PTPRT: variants seen among roughly 807,000 people sequenced by gnomAD.
PTPRT encodes the protein protein tyrosine phosphatase receptor type T, also known as receptor-type tyrosine-protein phosphatase T.
A neutral mutation model predicts 176.8 loss-of-function variants in PTPRT; 56 were observed. That is an observed-to-expected ratio of 0.32 (90% CI 0.26 to 0.40). PTPRT has a LOEUF of 0.40. PTPRT is among the 10% of genes least tolerant of loss of function. The pLI, the probability that PTPRT is intolerant of heterozygous loss-of-function variation, is 1.00. For synonymous variants in PTPRT, 783 were observed against 739.0 expected, an observed-to-expected ratio of 1.06 and a Z score of -0.96; for missense variants, 1,540 against 1,908.2, an observed-to-expected ratio of 0.81 and a Z score of 3.60.
At chr20:43,127,800 A>C (rs2013502352) in intron 1 of PTPRT, among the ~76,000 whole-genome samples, 1 of 152,214 alleles carries the variant, frequency 6.6e-6, no homozygotes, top group Non-Finnish European at 1.5e-5. Context: ...TATAGTTTCT[A>C]CAATAAGAGA....
At chr20:42,169,117 C>G (rs1989962875) in intron 16 of PTPRT, among the ~76,000 whole-genome samples, 1 of 152,128 alleles carries the variant, frequency 6.6e-6, no homozygotes. Context: ...TTCCTGAGCT[C>G]AGAGAATCAA....
chr20:43,106,713 A>AAGGG (rs1370659420), intron 1 of PTPRT, among the ~76,000 whole-genome samples: 13 of 137,190 alleles, frequency 9.5e-5, no homozygotes, highest in Middle Eastern at 7.4e-3. Context: ...GGAAAGAAGG[A>AAGGG]AGGGAGGGAG....
chr20:42,935,753 T>G (rs2145981749), intron 1 of PTPRT, among the ~76,000 whole-genome samples: 1 of 152,260 alleles, frequency 6.6e-6, no homozygotes, highest in East Asian at 1.9e-4. Flanking sequence ...ATTCTTCTAT[T>G]CTATTCTATT....
chr20:42,416,693 A>G (rs1417803046), intron 9 of PTPRT, among the ~76,000 whole-genome samples: 1 of 152,214 alleles, frequency 6.6e-6, no homozygotes, highest in Non-Finnish European at 1.5e-5. Context: ...TATTAGAGTA[A>G]CAGTGTCCAA....
intron 3 of PTPRT, among the ~76,000 whole-genome samples, chr20:42,788,231 A>T (rs1309276021): frequency 1.9e-5 from 2 of 105,672 alleles, no homozygotes; most frequent in African/African-American, 7.3e-5. Context: ...GTCCACCCTG[A>T]CCACCCCAAG....
At chr20:42,202,945 A>G (rs924632771) in intron 15 of PTPRT, among the ~76,000 whole-genome samples, 5 of 152,208 alleles carry the variant, frequency 3.3e-5, no homozygotes, top group Admixed American at 1.3e-4. Flanking sequence ...AGCTCTGAAC[A>G]CCTGTATTAA....
chr20:42,116,121 C>T (rs1363382544), intron 21 of PTPRT: 2 of 716,014 alleles, frequency 2.8e-6, no homozygotes, highest in East Asian at 2.7e-5. Flanking sequence ...AGGTAAAAAA[C>T]AAGAAACAAA....
At chr20:42,398,037 G>A (rs894873920) in intron 9 of PTPRT, among the ~76,000 whole-genome samples, 4 of 152,136 alleles carry the variant, frequency 2.6e-5, no homozygotes, top group African/African-American at 9.7e-5. Flanking sequence ...CTTGAAAAAT[G>A]TAGTTAACAT....
intron 16 of PTPRT, among the ~76,000 whole-genome samples, chr20:42,161,939 G>T (rs1428328642): frequency 6.6e-6 from 1 of 151,754 alleles, no homozygotes; most frequent in African/African-American, 2.4e-5. Flanking sequence ...CTGTCTGCAG[G>T]GGAGGAGAGC....
rs370902399 is a variant in PTPRT at position 42,588,446 on chromosome 20, C to CA, written c.1153+89419dup. Among the ~76,000 whole-genome samples, 186 of 149,122 alleles carry CA rather than the reference C, an allele frequency of 1.2e-3. 1 individual carries two copies. The highest frequency in any genetic ancestry group is 4.2e-3 in the African/African-American group (173 of 40,934). On this transcript the variant is annotated intron_variant, in intron 7 of 30. Coordinates refer to ENST00000373187, the MANE Select transcript of PTPRT (RefSeq NM_007050.6). Reference sequence around the variant, plus strand: ...CTGGGCAACAGAGCCAAACTGTCCCCAAAAAAAAAGCAAATAAATCAACCA... The same window carrying CA: ...CTGGGCAACAGAGCCAAACTGTCCCCAAAAAAAAAAGCAAATAAATCAACCA...
intron 6 of PTPRT, among the ~76,000 whole-genome samples, chr20:42,752,701 T>C (rs1296189024): frequency 6.6e-6 from 1 of 152,218 alleles, no homozygotes; most frequent in Admixed American, 6.5e-5. Flanking sequence ...ATTAATGCTT[T>C]TCCCTTGTAT....
intron 15 of PTPRT, among the ~76,000 whole-genome samples, chr20:42,212,988 G>A (rs1252408208): frequency 2.6e-5 from 4 of 152,136 alleles, no homozygotes; most frequent in Non-Finnish European, 4.4e-5. Flanking sequence ...TTGGTCTGGG[G>A]TGCAGCCTGG....
chr20:42,501,545 C>A (rs1028249309), intron 7 of PTPRT, among the ~76,000 whole-genome samples: 1 of 152,120 alleles, frequency 6.6e-6, no homozygotes, highest in Non-Finnish European at 1.5e-5. Context: ...TCTCTTCCGC[C>A]TGCCAACAAT....
chr20:42,445,118 T>A (rs1242786483), intron 9 of PTPRT, among the ~76,000 whole-genome samples: 1 of 152,170 alleles, frequency 6.6e-6, no homozygotes, highest in African/African-American at 2.4e-5. Flanking sequence ...ATGCCGCTGG[T>A]CTATGGACCA....
intron 1 of PTPRT, among the ~76,000 whole-genome samples, chr20:43,098,529 G>C (rs550018926): frequency 7.5e-4 from 114 of 151,680 alleles, no homozygotes; most frequent in African/African-American, 2.5e-3. Flanking sequence ...TCTTCAAAAG[G>C]TGACAACTCT....
At chr20:42,758,466 GGGC>G (rs1429023655) in intron 5 of PTPRT, among the ~76,000 whole-genome samples, 1 of 152,156 alleles carries the variant, frequency 6.6e-6, no homozygotes, top group Non-Finnish European at 1.5e-5. Context: ...CCCCATCAAA[GGGC>G]AGCTAAGAGA....
At chr20:42,440,571 A>G (rs6102837) in intron 9 of PTPRT, among the ~76,000 whole-genome samples, 8 of 150,278 alleles carry the variant, frequency 5.3e-5, no homozygotes, top group African/African-American at 2.0e-4. Flanking sequence ...TCCGCCTCCC[A>G]GGTTCACGCC....
intron 1 of PTPRT, among the ~76,000 whole-genome samples, chr20:43,102,737 C>T (rs565189974): frequency 2.0e-5 from 3 of 152,152 alleles, no homozygotes; most frequent in Non-Finnish European, 4.4e-5. Context: ...CAGGACTGCA[C>T]GCTGGTACCT....
At chr20:42,867,938 T>C (rs1488613412) in intron 2 of PTPRT, among the ~76,000 whole-genome samples, 1 of 152,126 alleles carries the variant, frequency 6.6e-6, no homozygotes, top group African/African-American at 2.4e-5. Context: ...CGCCTTGGCC[T>C]CCCAAAGTGC....
Sources: gnomAD v4.1 joint callset for allele counts (sites outside exome capture counted in the v4.1 genomes callset) on GRCh38, gnomAD v4.1.1 for gene constraint, MANE v1.5 for transcripts, NCBI Gene and HGNC (gene_info 2026-07-23, HGNC 2026-07-21) for gene names.